The following PPFIA2 variants were observed in gnomAD, a reference collection of about 807,000 sequenced individuals.
The protein encoded by PPFIA2 is liprin-alpha-2.
A neutral mutation model predicts 175.5 loss-of-function variants in PPFIA2; 46 were observed. That is an observed-to-expected ratio of 0.26 (90% confidence interval 0.21 to 0.34). PPFIA2 has a LOEUF of 0.34. Ranked by LOEUF, PPFIA2 falls within the 10% of genes least tolerant of loss-of-function variation. The pLI, the probability that PPFIA2 is intolerant of heterozygous loss-of-function variation, is 1.00. For missense variants in PPFIA2, 1,179 were observed against 1,506.1 expected (o/e 0.78, Z 3.60); for synonymous variants, 568 against 511.4 (o/e 1.11, Z -1.49).
chr12:81,616,206 G>T (rs781653918), intron 4 of PPFIA2, among the ~76,000 whole-genome samples: 1 of 151,978 alleles, frequency 6.6e-6, no homozygotes, highest in Admixed American at 6.6e-5. Flanking sequence ...GAAATAACAT[G>T]ATTTTCTATC....
intron 7 of PPFIA2, among the ~76,000 whole-genome samples, chr12:81,410,106 C>T (rs1052128431): frequency 6.6e-6 from 1 of 152,044 alleles, no homozygotes; most frequent in East Asian, 1.9e-4. Flanking sequence ...GTTCAGGGTG[C>T]CATAATGGAA....
At chr12:81,755,500 G>C (rs2084499770) in intron 2 of PPFIA2, among the ~76,000 whole-genome samples, 1 of 152,016 alleles carries the variant, frequency 6.6e-6, no homozygotes, top group Non-Finnish European at 1.5e-5. Flanking sequence ...AAATATTTCT[G>C]GTGATATTTT....
chr12:81,588,632 G>T (rs1311233311), intron 4 of PPFIA2, among the ~76,000 whole-genome samples: 1 of 151,998 alleles, frequency 6.6e-6, no homozygotes, highest in Admixed American at 6.6e-5. Context: ...AAATATTAAA[G>T]ATAAACCTGA....
At chr12:81,562,019 T>C (rs960767559) in intron 4 of PPFIA2, among the ~76,000 whole-genome samples, 2 of 152,222 alleles carry the variant, frequency 1.3e-5, no homozygotes, top group Admixed American at 6.5e-5. Flanking sequence ...AAAACAGGTA[T>C]CATCAAAGAT....
chr12:81,662,744 AC>A (rs1436191551), intron 4 of PPFIA2, among the ~76,000 whole-genome samples: 1 of 152,188 alleles, frequency 6.6e-6, no homozygotes, highest in Non-Finnish European at 1.5e-5. Flanking sequence ...CAGAGACACA[AC>A]AAAAAAAAGA....
Position 81,642,727 on chromosome 12 carries a change from AC to A in PPFIA2, c.303+34063del, listed in dbSNP as rs1567688040. Among the ~76,000 whole-genome samples the A allele has an allele frequency of 1.6e-4, 13 of 81,276 alleles. 3 individuals carry two copies. Among genetic ancestry groups the A allele is most frequent in the Non-Finnish European group, 2.7e-4 (10 of 37,646 alleles). 53.3% of individuals were successfully genotyped at this position (81,276 alleles called of 152,430 possible). A position where few individuals can be genotyped will look rare whatever the true frequency, so the allele number is the denominator to read the frequency against. On this transcript the variant is annotated intron_variant, in intron 4 of 32. Coordinates refer to ENST00000549396, the MANE Select transcript of PPFIA2 (RefSeq NM_003625.5). ...ATATGTATGTATGTATTATATACAT[AC>A]ATGTATATGTATGTATGTATTATAT...
intron 5 of PPFIA2, among the ~76,000 whole-genome samples, chr12:81,455,747 G>C (rs564701704): frequency 2.0e-5 from 3 of 152,294 alleles, no homozygotes; most frequent in African/African-American, 7.2e-5. Context: ...TCTAGCTGTA[G>C]TAAGTCTTTG....
chr12:81,347,121 C>CTCT (rs1446480166), intron 18 of PPFIA2, among the ~76,000 whole-genome samples: 1 of 125,262 alleles, frequency 8.0e-6, no homozygotes, highest in African/African-American at 4.0e-5. Context: ...TTCTCTTTTT[C>CTCT]TTTTCTTTTT....
intron 3 of PPFIA2, among the ~76,000 whole-genome samples, chr12:81,713,327 C>T (rs1457279240): frequency 3.3e-5 from 5 of 150,986 alleles, no homozygotes; most frequent in African/African-American, 1.2e-4. Flanking sequence ...GGCCACCCAG[C>T]TAAGAGTAAC....
intron 8 of PPFIA2, among the ~76,000 whole-genome samples, chr12:81,398,620 G>A (rs2041582937): frequency 6.6e-6 from 1 of 151,992 alleles, no homozygotes; most frequent in African/African-American, 2.4e-5. Context: ...TCACATAAAG[G>A]ACTTTATGCT....
intron 24 of PPFIA2, among the ~76,000 whole-genome samples, chr12:81,287,119 T>C (rs998685930): frequency 1.3e-5 from 2 of 151,928 alleles, no homozygotes; most frequent in Non-Finnish European, 2.9e-5. Flanking sequence ...GGGTATACTG[T>C]TGGTTCAAAG....
intron 22 of PPFIA2, among the ~76,000 whole-genome samples, chr12:81,312,670 G>A (rs1204728653): frequency 1.3e-5 from 2 of 152,170 alleles, no homozygotes; most frequent in African/African-American, 4.8e-5. Flanking sequence ...TTCCTAGTTT[G>A]AGGATCTGAA....
chr12:81,720,737 C>T (rs2079203676), intron 3 of PPFIA2, among the ~76,000 whole-genome samples: 1 of 151,304 alleles, frequency 6.6e-6, no homozygotes, highest in Non-Finnish European at 1.5e-5. Flanking sequence ...CCTGCTCAAT[C>T]CTTGATCCCC....
intron 4 of PPFIA2, among the ~76,000 whole-genome samples, chr12:81,561,641 G>A (rs2070114139): frequency 6.6e-6 from 1 of 152,098 alleles, no homozygotes; most frequent in African/African-American, 2.4e-5. Flanking sequence ...CTGGAGTGCT[G>A]TCTGGGGTAA....
intron 18 of PPFIA2, among the ~76,000 whole-genome samples, chr12:81,345,152 C>T (rs2058832231): frequency 6.6e-6 from 1 of 152,098 alleles, no homozygotes; most frequent in Non-Finnish European, 1.5e-5. Flanking sequence ...GGCAGATGTG[C>T]TGTTCCTGTG....
chr12:81,620,784 C>A (rs1406126755), intron 4 of PPFIA2, among the ~76,000 whole-genome samples: 2 of 152,146 alleles, frequency 1.3e-5, no homozygotes, highest in African/African-American at 2.4e-5. Flanking sequence ...AAGTATGAAT[C>A]TGAAGTAAAA....
intron 8 of PPFIA2, among the ~76,000 whole-genome samples, chr12:81,386,740 A>G (rs188369177): frequency 5.9e-5 from 9 of 152,246 alleles, no homozygotes; most frequent in Admixed American, 2.0e-4. Context: ...TAACTAAGAG[A>G]AAAAGAACAT....
intron 24 of PPFIA2, among the ~76,000 whole-genome samples, chr12:81,291,631 C>A: frequency 6.6e-6 from 1 of 151,942 alleles, no homozygotes; most frequent in East Asian, 1.9e-4. Flanking sequence ...ATCTTTATTT[C>A]GTCTAGTGTG....
At chr12:81,676,618 ACAC>A in intron 4 of PPFIA2, 170 bp downstream of exon 4, 6 of 394,720 alleles carry the variant, frequency 1.5e-5, no homozygotes, top group Non-Finnish European at 2.7e-5. Flanking sequence ...TTTAATAAAA[ACAC>A]CAGCCCACAC....
Sources: gnomAD v4.1 joint callset for allele counts (sites outside exome capture counted in the v4.1 genomes callset) on GRCh38, gnomAD v4.1.1 for gene constraint, MANE v1.5 for transcripts, NCBI Gene and HGNC (gene_info 2026-07-23, HGNC 2026-07-21) for gene names.